The following VSTM4 variants were observed in gnomAD, a reference collection of about 807,000 sequenced individuals.
VSTM4 encodes V-set and transmembrane domain-containing protein 4.
A neutral mutation model predicts 36.4 loss-of-function variants in VSTM4; 20 were observed. The observed-to-expected ratio is 0.55, with a 90% CI of 0.39 to 0.80. The LOEUF (loss-of-function observed/expected upper bound fraction) is 0.80, where lower values mean the gene tolerates loss of function less well. Ranked by LOEUF, VSTM4 falls within the 30% of genes least tolerant of loss-of-function variation. The pLI, the probability that VSTM4 is intolerant of heterozygous loss-of-function variation, is 0.00. For missense variants in VSTM4, 392 were observed against 404.5 expected (o/e 0.97, Z 0.26); for synonymous variants, 182 against 173.9 (o/e 1.05, Z -0.37).
chr10:49,114,835 T>G (rs1396461202), intron 1 of VSTM4, among the ~76,000 whole-genome samples: 3 of 152,060 alleles, frequency 2.0e-5, no homozygotes, highest in Admixed American at 6.5e-5. Context: ...TGAAAGCCAT[T>G]AGTGTGGACC....
At chr10:49,061,659 C>T (rs1843879999) in intron 5 of VSTM4, among the ~76,000 whole-genome samples, 1 of 152,210 alleles carries the variant, frequency 6.6e-6, no homozygotes, top group South Asian at 2.1e-4. Flanking sequence ...AGGTTTTTTG[C>T]CCTGAAGTAC....
intron 4 of VSTM4, among the ~76,000 whole-genome samples, chr10:49,069,687 T>C (rs1301321291): frequency 2.0e-5 from 3 of 152,134 alleles, no homozygotes; most frequent in Admixed American, 6.5e-5. Context: ...GGCCTACAGT[T>C]ATAAGGACAG....
intron 7 of VSTM4, among the ~76,000 whole-genome samples, chr10:49,026,980 G>A (rs1843271994): frequency 6.6e-6 from 1 of 152,162 alleles, no homozygotes. Flanking sequence ...ACAGGTTTCT[G>A]TTTAAGTTGA....
intron 2 of VSTM4, among the ~76,000 whole-genome samples, chr10:49,094,638 A>G (rs1022626290): frequency 2.0e-5 from 3 of 152,176 alleles, no homozygotes; most frequent in African/African-American, 7.2e-5. Context: ...ATGAGCCAAC[A>G]CCTTTGTCCC....
chr10:49,075,260 T>G (rs1192335043), intron 4 of VSTM4, among the ~76,000 whole-genome samples: 1 of 152,184 alleles, frequency 6.6e-6, no homozygotes, highest in Non-Finnish European at 1.5e-5. Context: ...GTCTAGGGCC[T>G]AGCAGGGCCT....
intron 2 of VSTM4, chr10:49,103,980 A>G: frequency 1.3e-6 from 1 of 776,292 alleles, no homozygotes; most frequent in East Asian, 2.6e-5. Context: ...GGTACGGACC[A>G]CAGAACTTCT....
At chr10:49,026,656 A>C (rs1843266556) in intron 7 of VSTM4, among the ~76,000 whole-genome samples, 1 of 152,088 alleles carries the variant, frequency 6.6e-6, no homozygotes. Flanking sequence ...GTGTGGAAAA[A>C]GAGGGCCCAG....
chr10:49,085,598 T>C (rs926887661), intron 3 of VSTM4, among the ~76,000 whole-genome samples: 8 of 152,190 alleles, frequency 5.3e-5, no homozygotes, highest in Non-Finnish European at 1.2e-4. Context: ...CTTTCAAAAC[T>C]GTGGGCTGAT....
At chr10:49,108,911 G>A (rs1336158031) in intron 1 of VSTM4, among the ~76,000 whole-genome samples, 1 of 152,078 alleles carries the variant, frequency 6.6e-6, no homozygotes, top group African/African-American at 2.4e-5. Flanking sequence ...CTTCTCCCAG[G>A]AGCCACGATT....
intron 7 of VSTM4, among the ~76,000 whole-genome samples, chr10:49,040,992 T>A (rs1843512655): frequency 6.6e-6 from 1 of 151,974 alleles, no homozygotes. Flanking sequence ...TGGTACCAGG[T>A]CCCCCAAAAT....
chr10:49,047,175 T>C, intron 6 of VSTM4, 131 bp from the exon 7 acceptor site: 4 of 932,720 alleles, frequency 4.3e-6, no homozygotes, highest in Non-Finnish European at 6.8e-6. Context: ...AACTTTCTGA[T>C]CTAGGTGTCA....
In VSTM4 at chr10:49,015,905, T is replaced by A. The variant is rs1363239797; in HGVS notation, c.*3745A>T. On this transcript the variant is annotated 3_prime_UTR_variant, in exon 8 of 8. Coordinates refer to ENST00000332853, the MANE Select transcript of VSTM4 (RefSeq NM_001031746.5). ...CCCCTCAGTCCTCCTCTGGTCCTGT[T>A]GGTGTCCCTCTCCAAATCTGAGGCC... 1 of 152,362 alleles carries A rather than the reference T, an allele frequency of 6.6e-6. No individual in the cohort carries two copies. 9.4% of individuals were successfully genotyped at this position (152,362 alleles called of 1,614,324 possible). A position where few individuals can be genotyped will look rare whatever the true frequency, so the allele number is the denominator to read the frequency against.
At chr10:49,105,866 G>A (rs1004991912) in intron 2 of VSTM4, among the ~76,000 whole-genome samples, 1 of 151,506 alleles carries the variant, frequency 6.6e-6, no homozygotes, top group Non-Finnish European at 1.5e-5. Flanking sequence ...TATCTTGTGT[G>A]TATATATATA....
At chr10:49,086,143 CAT>C (rs1164738899) in intron 2 of VSTM4, 120 bp from the exon 3 acceptor site, 2 of 596,310 alleles carry the variant, frequency 3.4e-6, no homozygotes, top group Non-Finnish European at 2.9e-6. Flanking sequence ...TCAAAACTCA[CAT>C]GTTAGGGAGG....
At position 49,015,970 on chromosome 10, in the gene VSTM4, T is replaced by C. The variant is rs956668045; in HGVS notation, c.*3680A>G. ...AGAGCATCAGTCCTGGAGCCCTCCA[T>C]CGGGAGCTCTCCATTAAGAAGGGCA... On this transcript the variant is annotated 3_prime_UTR_variant, in exon 8 of 8. Transcript: ENST00000332853. 1.3e-5 allele frequency: 2 copies of C among 152,192 alleles called. No homozygotes were observed. Among genetic ancestry groups the C allele is most frequent in the African/African-American group, 4.8e-5 (2 of 41,436 alleles). 9.4% of individuals were successfully genotyped at this position (152,192 alleles called of 1,614,324 possible).
chr10:49,032,903 A>G (rs574254277), intron 7 of VSTM4, among the ~76,000 whole-genome samples: 4 of 151,456 alleles, frequency 2.6e-5, no homozygotes, highest in African/African-American at 9.7e-5. Flanking sequence ...GATATCTTCC[A>G]TTGGTGAGGG....
At chr10:49,092,570 G>A (rs975642977) in intron 2 of VSTM4, among the ~76,000 whole-genome samples, 1 of 152,188 alleles carries the variant, frequency 6.6e-6, no homozygotes, top group Non-Finnish European at 1.5e-5. Flanking sequence ...GAAGAGTATG[G>A]TCCCTTTGAA....
At chr10:49,073,412 C>A (rs1844117579) in intron 4 of VSTM4, among the ~76,000 whole-genome samples, 1 of 152,230 alleles carries the variant, frequency 6.6e-6, no homozygotes, top group South Asian at 2.1e-4. Context: ...CACTGCTCTG[C>A]ATATCCCCAC....
At chr10:49,114,189 G>A (rs534343962) in intron 1 of VSTM4, among the ~76,000 whole-genome samples, 2 of 152,226 alleles carry the variant, frequency 1.3e-5, no homozygotes, top group South Asian at 4.2e-4. Context: ...CCGCAGCAAG[G>A]ATTTCAGGTT....
Sources: gnomAD v4.1 joint callset for allele counts (sites outside exome capture counted in the v4.1 genomes callset) on GRCh38, gnomAD v4.1.1 for gene constraint, MANE v1.5 for transcripts, NCBI Gene and HGNC (gene_info 2026-07-23, HGNC 2026-07-21) for gene names.